RSPH14: variants seen among roughly 807,000 people sequenced by gnomAD.
RSPH14 encodes the protein radial spoke head 14 homolog.
A neutral mutation model predicts 26.7 loss-of-function variants in RSPH14; 20 were observed. The ratio of observed to expected loss-of-function variants is 0.75; its 90% CI spans 0.53 to 1.09. The LOEUF (loss-of-function observed/expected upper bound fraction) is 1.09, where lower values mean the gene tolerates loss of function less well. Among genes scored for constraint, RSPH14 ranks in the 50% least tolerant of loss-of-function variants. The pLI is 0.00. For synonymous variants in RSPH14, 177 were observed against 189.3 expected (o/e 0.93, Z 0.53); for missense variants, 449 against 457.2 (o/e 0.98, Z 0.16).
chr22:23,110,510 G>A (rs2069614481), intron 4 of RSPH14, among the ~76,000 whole-genome samples: 1 of 152,214 alleles, frequency 6.6e-6, no homozygotes. Flanking sequence ...GCACAGCAAG[G>A]CAGGTCCTTA....
intron 4 of RSPH14, among the ~76,000 whole-genome samples, chr22:23,073,810 A>G (rs2068438399): frequency 6.6e-6 from 1 of 152,222 alleles, no homozygotes; most frequent in Non-Finnish European, 1.5e-5. Flanking sequence ...GCAGGGGTAC[A>G]GCAGGGACGT....
At chr22:23,127,579 G>A (rs944616418) in intron 4 of RSPH14, among the ~76,000 whole-genome samples, 2 of 152,164 alleles carry the variant, frequency 1.3e-5, no homozygotes, top group Non-Finnish European at 2.9e-5. Flanking sequence ...TGCTGAAGAG[G>A]GACAGGGTGC....
chr22:23,086,763 A>T (rs1260645638), intron 4 of RSPH14, among the ~76,000 whole-genome samples: 1 of 152,266 alleles, frequency 6.6e-6, no homozygotes, highest in African/African-American at 2.4e-5. Flanking sequence ...ATGGGGCTGC[A>T]GCATCTGTGG....
chr22:23,107,091 C>T (rs995048580), intron 4 of RSPH14, among the ~76,000 whole-genome samples: 13 of 152,262 alleles, frequency 8.5e-5, no homozygotes, highest in African/African-American at 2.4e-4. Context: ...AGGGCTTTAG[C>T]GGCAGCCTGT....
Position 23,140,414 on chromosome 22 carries a change from G to A in RSPH14, c.7C>T (p.His3Tyr), listed in dbSNP as rs1475061109. The A allele has an allele frequency of 3.7e-6, 6 of 1,614,076 alleles. No homozygotes were observed. The highest frequency in any genetic ancestry group is 5.1e-6 in the Non-Finnish European group (6 of 1,179,982). ...GGAAGCTCCAAGGAGTTCTGGGAAT[G>A]GGCCATCTTTCCCCAACTACAGAGG... MA[H>Y]SQNSLELPIN... The change falls in exon 2 of 7, where the codon CAT (histidine) becomes TAT (tyrosine). Residue 3 changes from histidine (H) to tyrosine (Y), a missense_variant. His to Tyr is a moderately conservative substitution (Grantham distance 83). Coordinates refer to ENST00000216036, the MANE Select transcript of RSPH14 (RefSeq NM_014433.3).
intron 4 of RSPH14, among the ~76,000 whole-genome samples, chr22:23,066,548 G>A (rs1013273894): frequency 3.3e-5 from 5 of 152,196 alleles, no homozygotes; most frequent in African/African-American, 9.7e-5. Flanking sequence ...GACAGAGGGA[G>A]AAGATTAAAA....
chr22:23,149,159 G>T (rs2070962653), upstream of RSPH14, among the ~76,000 whole-genome samples: 1 of 142,396 alleles, frequency 7.0e-6, no homozygotes, highest in African/African-American at 2.5e-5. Flanking sequence ...TCCAAGCAGT[G>T]TTCAGAGGGA....
Position 23,097,603 on chromosome 22 carries a change from C to T in RSPH14, c.422-33470G>A, listed in dbSNP as rs1484436420. 2.6e-5 allele frequency among the ~76,000 whole-genome samples: 4 copies of T among 152,378 alleles called. No individual in the cohort carries two copies. In the South Asian group the frequency reaches 6.2e-4, roughly 24 times the overall value. ...AGGCAGGTGTGTACGCAGGCGGCTG[C>T]GTCCACCCTGTTCCCAGTGTGTATC... is the stretch of plus-strand genomic sequence containing the variant. On this transcript the variant is annotated intron_variant, in intron 4 of 6. Coordinates refer to ENST00000216036, the MANE Select transcript of RSPH14 (RefSeq NM_014433.3).
intron 6 of RSPH14, among the ~76,000 whole-genome samples, chr22:23,061,463 A>T (rs980157988): frequency 6.6e-6 from 1 of 152,202 alleles, no homozygotes; most frequent in Non-Finnish European, 1.5e-5. Context: ...CTTAGACCTC[A>T]GGGTAACAGA....
upstream of RSPH14, among the ~76,000 whole-genome samples, chr22:23,143,354 T>C (rs2070633381): frequency 6.6e-6 from 1 of 151,618 alleles, no homozygotes; most frequent in South Asian, 2.1e-4. Context: ...TAAAAAAAGA[T>C]ACAAGAAAAG....
the RSPH14 span, among the ~76,000 whole-genome samples, chr22:23,178,432 A>C: frequency 6.6e-6 from 1 of 150,680 alleles, no homozygotes; most frequent in Non-Finnish European, 1.5e-5. Context: ...AAAAAAAAAT[A>C]GGCCACTGAG....
chr22:23,160,327 C>T, the RSPH14 span, among the ~76,000 whole-genome samples: 3 of 152,148 alleles, frequency 2.0e-5, no homozygotes, highest in South Asian at 2.1e-4. Context: ...GCAGGACTGC[C>T]CTATGCGGTT....
At chr22:23,123,563 G>A in intron 4 of RSPH14, 1 of 615,922 alleles carries the variant, frequency 1.6e-6, no homozygotes, top group Non-Finnish European at 2.9e-6. Flanking sequence ...CTTGGCCTCT[G>A]CCTCCTTGGC....
At chr22:23,103,340 G>A (rs1261158319) in intron 4 of RSPH14, among the ~76,000 whole-genome samples, 2 of 152,192 alleles carry the variant, frequency 1.3e-5, no homozygotes, top group Non-Finnish European at 2.9e-5. Flanking sequence ...ACCACAGCCA[G>A]TGACTCCCAA....
chr22:23,164,172 A>G, the RSPH14 span: 2 of 152,246 alleles, frequency 1.3e-5, no homozygotes, highest in African/African-American at 4.8e-5. Flanking sequence ...GAACCTGCCC[A>G]TGGTGGACTG....
At chr22:23,171,361 G>A in the RSPH14 span, among the ~76,000 whole-genome samples, 3 of 152,098 alleles carry the variant, frequency 2.0e-5, no homozygotes, top group African/African-American at 7.2e-5. Context: ...GCTGAACTTA[G>A]TGCAGACACC....
rs563038330 is a variant in RSPH14 at position 23,079,953 on chromosome 22, G to A, written c.422-15820C>T. Among the ~76,000 whole-genome samples the A allele has an allele frequency of 1.0e-3, 157 of 152,270 alleles. 1 individual carries two copies. Among genetic ancestry groups the A allele is most frequent in the African/African-American group, 3.7e-3 (155 of 41,554 alleles). On this transcript the variant is annotated intron_variant, in intron 4 of 6. Coordinates refer to ENST00000216036, the MANE Select transcript of RSPH14 (RefSeq NM_014433.3). ...TGGAGGCAGAGGGCAGGAGGTTGCA[G>A]GGCCTCAAAGACCCAGAAGGTGAAA...
At chr22:23,145,169 T>C (rs1428770129), upstream of RSPH14, 32 of 600,470 alleles carry the variant, frequency 5.3e-5, no homozygotes, top group Non-Finnish European at 4.7e-5. Context: ...GCCGAGCTGA[T>C]CACCAGAACC....
At chr22:23,146,170 C>A, upstream of RSPH14, 1 of 266,926 alleles carries the variant, frequency 3.7e-6, no homozygotes, top group Non-Finnish European at 5.8e-6. Context: ...GAAATGGCCT[C>A]TGCCCCATAT....
Sources: allele counts gnomAD v4.1 joint callset (sites outside exome capture counted in the v4.1 genomes callset), GRCh38; gene constraint gnomAD v4.1.1; transcripts MANE v1.5; gene names NCBI Gene and HGNC (gene_info 2026-07-23, HGNC 2026-07-21).